Variants in CADM2 observed in about 807,000 individuals in gnomAD.
CADM2 encodes cell adhesion molecule 2, also known as immunoglobulin superfamily member 4D.
A neutral mutation model predicts 49.8 loss-of-function variants in CADM2; 12 were observed. That is an observed-to-expected ratio of 0.24 (90% CI 0.15 to 0.39). The LOEUF (loss-of-function observed/expected upper bound fraction) is 0.39. Ranked by LOEUF, CADM2 falls within the 10% of genes least tolerant of loss-of-function variation. The pLI, the probability that CADM2 is intolerant of heterozygous loss-of-function variation, is 1.00. For synonymous variants in CADM2, 214 were observed against 175.4 expected, an observed-to-expected ratio of 1.22 and a Z score of -1.74; for missense variants, 378 against 492.3, an observed-to-expected ratio of 0.77 and a Z score of 2.20.
chr3:85,368,492 A>G (rs2032962534), intron 1 of CADM2, among the ~76,000 whole-genome samples: 1 of 151,188 alleles, frequency 6.6e-6, no homozygotes, highest in South Asian at 2.1e-4. Flanking sequence ...GAGGTTGATG[A>G]GATTCATATG....
At chr3:85,295,969 C>A (rs1016566796) in intron 1 of CADM2, among the ~76,000 whole-genome samples, 1 of 151,076 alleles carries the variant, frequency 6.6e-6, no homozygotes, top group Non-Finnish European at 1.5e-5. Context: ...AGTAGTAAAC[C>A]TAGTATATAA....
intron 1 of CADM2, among the ~76,000 whole-genome samples, chr3:85,575,559 AACAT>A (rs2062608238): frequency 6.6e-6 from 1 of 152,194 alleles, no homozygotes; most frequent in Non-Finnish European, 1.5e-5. Flanking sequence ...TCAAAAACAA[AACAT>A]AAAAAATAAA....
At chr3:85,035,922 T>C (rs550654627) in intron 1 of CADM2, among the ~76,000 whole-genome samples, 242 of 152,352 alleles carry the variant, frequency 1.6e-3, no homozygotes, top group Non-Finnish European at 3.1e-3. Flanking sequence ...TCTAAAGTTA[T>C]AGAATAAATA....
intron 1 of CADM2, among the ~76,000 whole-genome samples, chr3:85,333,321 T>C (rs2044987988): frequency 6.6e-6 from 1 of 151,784 alleles, no homozygotes; most frequent in African/African-American, 2.4e-5. Context: ...ATGTAAATAA[T>C]GAGGGTGATA....
chr3:85,014,180 ATAT>A (rs1327509620), intron 1 of CADM2, among the ~76,000 whole-genome samples: 9 of 146,600 alleles, frequency 6.1e-5, no homozygotes, highest in African/African-American at 2.1e-4. Context: ...CAGTGTAATA[ATAT>A]TGTATATTAT....
rs1165437662 is a variant in CADM2 at position 85,372,370 on chromosome 3, T to G, written c.62-354152T>G. Among the ~76,000 whole-genome samples the G allele has an allele frequency of 7.3e-5, 11 of 150,994 alleles. No homozygotes were observed. In the South Asian group the frequency reaches 1.5e-3, roughly 20 times the overall value. ...ATATATATGTGTGTGTGTGTATATA[T>G]ATATGTGTGTGTGTATATATAGATA... On this transcript the variant is annotated intron_variant, in intron 1 of 9. Coordinates refer to ENST00000383699, the MANE Select transcript of CADM2 (RefSeq NM_001167675.2).
At chr3:85,217,624 T>C (rs1014923181) in intron 1 of CADM2, among the ~76,000 whole-genome samples, 2 of 152,144 alleles carry the variant, frequency 1.3e-5, no homozygotes, top group African/African-American at 4.8e-5. Flanking sequence ...AATATGAACA[T>C]GATTTGTTAG....
intron 1 of CADM2, among the ~76,000 whole-genome samples, chr3:85,086,571 G>C (rs1451879071): frequency 6.8e-6 from 1 of 147,848 alleles, no homozygotes; most frequent in Non-Finnish European, 1.5e-5. Context: ...GAGTGCGGTG[G>C]TGTGATCTTG....
At position 85,840,206 on chromosome 3, in the gene CADM2, T is replaced by A. The variant is rs2074583020; in HGVS notation, c.238+38010T>A. Among the ~76,000 whole-genome samples, 5 of 151,902 alleles carry A rather than the reference T, an allele frequency of 3.3e-5. No homozygotes were observed. In the Admixed American group the frequency reaches 3.3e-4, roughly 10 times the overall value. ...TGATTACTGTTAATTTCACAGCATT[T>A]TCCCTTTAATAAGTACATCAAAATG... On this transcript the variant is annotated intron_variant, in intron 3 of 9. Transcript: ENST00000383699.
At chr3:85,214,172 G>C (rs925315978) in intron 1 of CADM2, among the ~76,000 whole-genome samples, 1 of 151,832 alleles carries the variant, frequency 6.6e-6, no homozygotes, top group Non-Finnish European at 1.5e-5. Flanking sequence ...CAGTAATGCT[G>C]TGGCTCTTGC....
chr3:85,285,412 A>C (rs1469260613), intron 1 of CADM2, among the ~76,000 whole-genome samples: 5 of 152,144 alleles, frequency 3.3e-5, no homozygotes, highest in Admixed American at 3.3e-4. Context: ...AATAAAGTGG[A>C]AAATGCATTT....
At chr3:85,596,850 G>A (rs9825424) in intron 1 of CADM2, among the ~76,000 whole-genome samples, 22 of 152,046 alleles carry the variant, frequency 1.4e-4, no homozygotes, top group East Asian at 1.4e-3. Flanking sequence ...CCTACTAGCC[G>A]GAACTACAGG....
intron 3 of CADM2, among the ~76,000 whole-genome samples, chr3:85,854,817 G>T (rs2108302057): frequency 6.6e-6 from 1 of 151,694 alleles, no homozygotes; most frequent in East Asian, 1.9e-4. Flanking sequence ...AATAATGCGG[G>T]TATGTGTGTC....
intron 1 of CADM2, among the ~76,000 whole-genome samples, chr3:85,604,224 C>G (rs922792559): frequency 6.6e-6 from 1 of 151,844 alleles, no homozygotes; most frequent in Non-Finnish European, 1.5e-5. Context: ...ACACAGGGAA[C>G]TAGGCAGAGT....
intron 1 of CADM2, among the ~76,000 whole-genome samples, chr3:85,479,318 G>A (rs2039113419): frequency 6.6e-6 from 1 of 151,772 alleles, no homozygotes; most frequent in South Asian, 2.1e-4. Context: ...AACATCAGAA[G>A]AAATTCTATT....
intron 8 of CADM2, among the ~76,000 whole-genome samples, chr3:86,000,889 T>G (rs1309309576): frequency 6.6e-6 from 1 of 151,906 alleles, no homozygotes; most frequent in Non-Finnish European, 1.5e-5. Flanking sequence ...TCCTAATTGG[T>G]TTTTTAATAA....
At chr3:86,061,901 C>T (rs1451809354) in intron 8 of CADM2, among the ~76,000 whole-genome samples, 1 of 150,876 alleles carries the variant, frequency 6.6e-6, no homozygotes. Flanking sequence ...GTTACTTTTC[C>T]ACATCAGAAT....
At chr3:85,292,741 C>T (rs150313061) in intron 1 of CADM2, among the ~76,000 whole-genome samples, 9,976 of 151,920 alleles carry the variant, frequency 0.066, 1,034 homozygotes, top group African/African-American at 0.22. Context: ...TTGAAATCAA[C>T]GAGAACAAAG....
At chr3:85,046,914 G>T (rs2035687112) in intron 1 of CADM2, among the ~76,000 whole-genome samples, 1 of 152,030 alleles carries the variant, frequency 6.6e-6, no homozygotes, top group Non-Finnish European at 1.5e-5. Flanking sequence ...ATATAGGTGA[G>T]AATTTTTTAT....
Sources: allele counts gnomAD v4.1 joint callset (sites outside exome capture counted in the v4.1 genomes callset), GRCh38; gene constraint gnomAD v4.1.1; transcripts MANE v1.5; gene names NCBI Gene and HGNC (gene_info 2026-07-23, HGNC 2026-07-21).